The following RAI1 variants were observed in gnomAD, a reference collection of about 807,000 sequenced individuals.
RAI1 encodes retinoic acid-induced protein 1.
A neutral mutation model predicts 123.8 loss-of-function variants in RAI1; 9 were observed. The observed-to-expected ratio is 0.07, with a 90% confidence interval of 0.04 to 0.13. RAI1 has a LOEUF of 0.13. Ranked by LOEUF, RAI1 falls within the 10% of genes least tolerant of loss-of-function variation. The probability of loss-of-function intolerance (pLI) is 1.00; values close to 1 mark genes in which losing one functional copy is unlikely to be tolerated. For missense variants in RAI1, 2,256 were observed against 2,545.8 expected, an observed-to-expected ratio of 0.89 and a Z score of 2.45; for synonymous variants, 1,231 against 1,127.3, an observed-to-expected ratio of 1.09 and a Z score of -1.84.
chr17:17,740,452 A>G (rs1916586223), intron 2 of RAI1, among the ~76,000 whole-genome samples: 1 of 152,168 alleles, frequency 6.6e-6, no homozygotes. Context: ...ACCCTGGTGG[A>G]AGTGGTTCAT....
At chr17:17,707,126 A>G (rs1362051690) in intron 1 of RAI1, among the ~76,000 whole-genome samples, 2 of 152,172 alleles carry the variant, frequency 1.3e-5, no homozygotes, top group Non-Finnish European at 2.9e-5. Flanking sequence ...CCTGGGCTAC[A>G]TAGCAGAACC....
intron 1 of RAI1, chr17:17,684,691 T>C (rs1244269694): frequency 7.9e-6 from 1 of 126,418 alleles, no homozygotes. Flanking sequence ...TATATATATA[T>C]ATATATATAT....
At chr17:17,723,181 A>G (rs1368143017) in intron 1 of RAI1, among the ~76,000 whole-genome samples, 1 of 151,746 alleles carries the variant, frequency 6.6e-6, no homozygotes, top group African/African-American at 2.4e-5. Flanking sequence ...GCACAATCCC[A>G]TATACACACA....
chr17:17,706,157 A>G (rs901207205), intron 1 of RAI1, among the ~76,000 whole-genome samples: 4 of 151,676 alleles, frequency 2.6e-5, no homozygotes, highest in Admixed American at 1.3e-4. Flanking sequence ...GCTTGCCCAG[A>G]GGTCAGCAGC....
intron 1 of RAI1, among the ~76,000 whole-genome samples, chr17:17,705,100 TGA>T (rs1915351561): frequency 6.6e-6 from 1 of 152,162 alleles, no homozygotes; most frequent in South Asian, 2.1e-4. Context: ...CCTTGAGATT[TGA>T]GAGTTTTGTT....
rs770814023 is a variant in RAI1, at chr17:17,795,130, T to C, written c.2182T>C (p.Cys728Arg). 2.5e-6 allele frequency: 4 copies of C among 1,613,916 alleles called. No homozygotes were observed. Among genetic ancestry groups the C allele is most frequent in the Non-Finnish European group, 3.4e-6 (4 of 1,180,028 alleles). Residue 728 changes from cysteine (C) to arginine (R), a missense_variant, in exon 3 of 6, where the codon TGT (cysteine) becomes CGT (arginine). Physicochemically the swap from Cys to Arg is radical, Grantham distance 180. Transcript: ENST00000353383. This position sits in a 1 kb window ranked among gnomAD's most constrained non-coding sequence, Gnocchi z 5.9. Reference protein sequence around the residue: ...APDPTTAAFDCFPDTTAASSA... With the variant: ...APDPTTAAFDRFPDTTAASSA... Reference sequence around the variant, plus strand: ...AGACCCCACTACAGCAGCTTTTGACTGTTTCCCGGACACAACCGCTGCCAG... The same window carrying C: ...AGACCCCACTACAGCAGCTTTTGACCGTTTCCCGGACACAACCGCTGCCAG...
intron 2 of RAI1, among the ~76,000 whole-genome samples, chr17:17,724,774 C>T (rs1916021837): frequency 6.6e-6 from 1 of 152,154 alleles, no homozygotes; most frequent in African/African-American, 2.4e-5. Flanking sequence ...CCCTCCTCGC[C>T]GCCCGCCAGC....
In RAI1 at chr17:17,793,453, C is replaced by T. The variant is rs1362961652; in HGVS notation, c.505C>T (p.His169Tyr). 4.3e-6 allele frequency: 7 copies of T among 1,613,218 alleles called. No individual in the cohort carries two copies. The African/African-American group carries it at 9.3e-5, about 22-fold the overall frequency. Residue 169 changes from histidine (H) to tyrosine (Y), a missense_variant, in exon 3 of 6, where the codon CAC becomes TAC. By Grantham distance (83) the His-to-Tyr change is moderately conservative. This residue lies in a region of RAI1 where 336 missense variants were observed against 349.8 expected (regional missense o/e 0.96). Transcript: ENST00000353383. The stretch of plus-strand genomic sequence containing the variant: ...GGGCGCCCAGGTGCCCTTTCGGACT[C>T]ACTCCCTGCACGTCCAGCAGCCACC... The part of the protein sequence containing the change: ...EQGAQVPFRT[H>Y]SLHVQQPPPP...
chr17:17,717,107 AG>A (rs1248568337), intron 1 of RAI1, among the ~76,000 whole-genome samples: 1 of 152,148 alleles, frequency 6.6e-6, no homozygotes, highest in East Asian at 1.9e-4. Context: ...GAGGGATCAC[AG>A]GGACCAGGGT....
rs1251487253 is a variant in RAI1, at chr17:17,803,863, C to T, written c.5659+14C>T. On this transcript the variant is annotated intron_variant, in intron 4 of 5. Transcript: ENST00000353383. ...CCAGCGATGCAGGTACGAGCCCGCC[C>T]AGGAACAGGAGGGCATTGGAGCCCA... 2.5e-6 allele frequency: 4 copies of T among 1,610,164 alleles called. No homozygotes were observed. The highest frequency in any genetic ancestry group is 3.4e-6 in the Non-Finnish European group (4 of 1,177,218).
rs567490902 is a variant in RAI1, at chr17:17,685,410, A to T, written c.-149+3617A>T. ...TAGCCAAGGCCTCGACCAGAGCTGGAGGCTTCCTGGAGGAGGGGCCTTTGA... is the reference window on the plus strand; with the variant it reads ...TAGCCAAGGCCTCGACCAGAGCTGGTGGCTTCCTGGAGGAGGGGCCTTTGA... On this transcript the variant is annotated intron_variant, in intron 1 of 5. Transcript: ENST00000353383. The surrounding 1 kb of genome is among the most constrained non-coding windows in gnomAD (Gnocchi z 4.0). 2.6e-5 allele frequency among the ~76,000 whole-genome samples: 4 copies of T among 152,368 alleles called. No individual in the cohort carries two copies. Among genetic ancestry groups the T allele is most frequent in the African/African-American group, 9.6e-5 (4 of 41,588 alleles).
intron 3 of RAI1, among the ~76,000 whole-genome samples, chr17:17,803,174 G>A (rs1397415816): frequency 4.6e-5 from 7 of 151,912 alleles, no homozygotes; most frequent in Non-Finnish European, 1.0e-4. Flanking sequence ...GATGCTGGCT[G>A]GTAGCCACAG....
At chr17:17,771,260 TTCCA>T (rs553683617) in intron 2 of RAI1, among the ~76,000 whole-genome samples, 3 of 152,288 alleles carry the variant, frequency 2.0e-5, no homozygotes, top group African/African-American at 7.2e-5. Context: ...GGGGTTAGAA[TTCCA>T]TCCATCCATC....
At chr17:17,778,701 C>T (rs1256755925) in intron 2 of RAI1, 2 of 456,562 alleles carry the variant, frequency 4.4e-6, no homozygotes, top group African/African-American at 4.0e-5. Flanking sequence ...TCTCAAAAGC[C>T]TCCCTTTCCG....
At chr17:17,779,754 C>G (rs889910286) in intron 2 of RAI1, among the ~76,000 whole-genome samples, 10 of 148,100 alleles carry the variant, frequency 6.8e-5, no homozygotes, top group Non-Finnish European at 5.9e-5. Flanking sequence ...GGACTTCTCT[C>G]TAGTCCCCTC....
intron 2 of RAI1, among the ~76,000 whole-genome samples, chr17:17,783,842 C>G (rs981299409): frequency 6.6e-6 from 1 of 152,166 alleles, no homozygotes; most frequent in East Asian, 1.9e-4. Flanking sequence ...GCCGGCCCCG[C>G]TTCGTTTCAA....
chr17:17,790,404 A>G (rs1318340435), intron 2 of RAI1, among the ~76,000 whole-genome samples: 4 of 152,184 alleles, frequency 2.6e-5, no homozygotes, highest in South Asian at 4.1e-4. Flanking sequence ...TTTCTTAGCA[A>G]TAGATGCTTT....
chr17:17,721,318 A>G (rs1915873516), intron 1 of RAI1, among the ~76,000 whole-genome samples: 1 of 152,254 alleles, frequency 6.6e-6, no homozygotes, highest in Non-Finnish European at 1.5e-5. Flanking sequence ...TATGGAATGT[A>G]TACCAGGAAC....
chr17:17,778,812 A>G (rs1488222352), intron 2 of RAI1: 3 of 456,706 alleles, frequency 6.6e-6, no homozygotes, highest in South Asian at 3.1e-5. Context: ...CAAGCTAGCT[A>G]TGTACAGCTG....
Sources: gnomAD v4.1 joint callset for allele counts (sites outside exome capture counted in the v4.1 genomes callset) on GRCh38, gnomAD v4.1.1 for gene constraint, gnomAD v4.1.1 regional missense constraint, Gnocchi (gnomAD v3.1) non-coding constraint, MANE v1.5 for transcripts, NCBI Gene and HGNC (gene_info 2026-07-23, HGNC 2026-07-21) for gene names.